The following NHSL1 variants were observed in gnomAD, a reference collection of about 807,000 sequenced individuals.
NHSL1 encodes the protein NHS-like protein 1.
Under a neutral mutation model 95.0 loss-of-function variants are expected in NHSL1, and 48 were observed. The ratio of observed to expected loss-of-function variants is 0.51; its 90% confidence interval spans 0.40 to 0.64. The LOEUF (loss-of-function observed/expected upper bound fraction) is 0.64. Ranked by LOEUF, NHSL1 falls within the 30% of genes least tolerant of loss-of-function variation. The pLI, the probability that NHSL1 is intolerant of heterozygous loss-of-function variation, is 0.00. For missense variants in NHSL1, 1,971 were observed against 2,077.7 expected, an observed-to-expected ratio of 0.95 and a Z score of 1.00; for synonymous variants, 783 against 833.9, an observed-to-expected ratio of 0.94 and a Z score of 1.05.
intron 1 of NHSL1, among the ~76,000 whole-genome samples, chr6:138,616,584 AT>A (rs1365160359): frequency 6.6e-6 from 1 of 152,102 alleles, no homozygotes; most frequent in African/African-American, 2.4e-5. Context: ...GAGAAAGCTG[AT>A]TTGGGTGTAC....
At chr6:138,523,707 G>C (rs921670370) in intron 1 of NHSL1, among the ~76,000 whole-genome samples, 4 of 150,148 alleles carry the variant, frequency 2.7e-5, no homozygotes, top group African/African-American at 4.9e-5. Context: ...GGGAATTCTT[G>C]GTTGGTTTTA....
intron 1 of NHSL1, among the ~76,000 whole-genome samples, chr6:138,597,823 T>C (rs1187785682): frequency 6.6e-6 from 1 of 152,304 alleles, no homozygotes; most frequent in South Asian, 2.1e-4. Context: ...AGATGTATTA[T>C]ATTGGCTATG....
intron 1 of NHSL1, among the ~76,000 whole-genome samples, chr6:138,531,857 C>T (rs1186425294): frequency 6.6e-6 from 1 of 152,096 alleles, no homozygotes; most frequent in African/African-American, 2.4e-5. Context: ...CAGAATTTTC[C>T]TTTATATCTT....
chr6:138,650,546 C>T (rs1785077560), intron 1 of NHSL1: 2 of 596,208 alleles, frequency 3.4e-6, no homozygotes, highest in Middle Eastern at 2.9e-4. Context: ...ACAAGAAAAC[C>T]ACATCACCCA....
intron 1 of NHSL1, among the ~76,000 whole-genome samples, chr6:138,620,176 A>G (rs1195168665): frequency 6.6e-6 from 1 of 152,210 alleles, no homozygotes; most frequent in Non-Finnish European, 1.5e-5. Flanking sequence ...CTTGAAAGAA[A>G]ATCTGCACAA....
chr6:138,472,239 T>C (rs558655253), intron 3 of NHSL1, among the ~76,000 whole-genome samples: 16 of 150,706 alleles, frequency 1.1e-4, no homozygotes, highest in Non-Finnish European at 2.1e-4. Flanking sequence ...CATTTGAAGA[T>C]CAAAAATTTA....
At chr6:138,525,031 A>G (rs923383294) in intron 1 of NHSL1, among the ~76,000 whole-genome samples, 2 of 152,196 alleles carry the variant, frequency 1.3e-5, no homozygotes, top group African/African-American at 4.8e-5. Flanking sequence ...GCTACGAACC[A>G]TGATGGAGAC....
rs1380866554 is a variant in NHSL1, at chr6:138,432,983, G to A, written c.1362C>T (p.Leu454=). ...CACCTTTCACAGCATGCCTGGAGAT[G>A]AGGTGGTCTCTGGATTTTATCCTTG... is the stretch of plus-strand genomic sequence containing the variant. ...SHARIKSRDH[L]ISRHAVKGDP... is the part of the protein sequence containing the mutation. The change falls in exon 6 of 8, where the codon CTC becomes CTT. Residue 454 remains leucine (L), a synonymous_variant. Transcript: ENST00000343505. The surrounding 1 kb of genome is among the most constrained non-coding windows in gnomAD (Gnocchi z 4.4). 1.3e-6 allele frequency: 2 copies of A among 1,551,428 alleles called. No homozygotes were observed. Among genetic ancestry groups the A allele is most frequent in the Non-Finnish European group, 8.7e-7 (1 of 1,146,790 alleles).
intron 1 of NHSL1, among the ~76,000 whole-genome samples, chr6:138,652,098 T>C (rs1785100161): frequency 6.6e-6 from 1 of 152,220 alleles, no homozygotes; most frequent in Admixed American, 6.5e-5. Flanking sequence ...TTTATTATTT[T>C]GTGTTTACCT....
intron 3 of NHSL1, among the ~76,000 whole-genome samples, chr6:138,455,535 CA>C (rs1777549815): frequency 9.0e-6 from 1 of 110,992 alleles, no homozygotes; most frequent in Non-Finnish European, 2.2e-5. Context: ...GCCCCGCCTT[CA>C]CATGCTCCCT....
At chr6:138,653,101 G>A (rs1277652569) in intron 1 of NHSL1, among the ~76,000 whole-genome samples, 1 of 152,160 alleles carries the variant, frequency 6.6e-6, no homozygotes, top group East Asian at 1.9e-4. Flanking sequence ...AACTGCACTG[G>A]AGCAAGGAAA....
rs1369103255 is a variant in NHSL1, at chr6:138,431,646, G to A, written c.2699C>T (p.Ser900Leu). 3.2e-6 allele frequency: 5 copies of A among 1,551,640 alleles called. No homozygotes were observed. The highest frequency in any genetic ancestry group is 2.0e-5 in the Admixed American group (1 of 51,012). The change falls in exon 6 of 8, where the codon TCA (serine) becomes TTA (leucine). Residue 900 changes from serine (S) to leucine (L), a missense_variant. By Grantham distance (145) the Ser-to-Leu change is moderately radical (BLOSUM62 -2). Around this residue, in one of 3 missense-constraint regions of NHSL1, gnomAD observed 1,602 missense variants for 1,654.5 expected, o/e 0.97. Coordinates refer to ENST00000343505, the MANE Select transcript of NHSL1 (RefSeq NM_001144060.2). The surrounding 1 kb of genome is among the most constrained non-coding windows in gnomAD (Gnocchi z 4.0). Reference protein sequence around the residue: ...SSLISSVSISSSSTSLSSSTS... With the variant: ...SSLISSVSISLSSTSLSSSTS... ...ACTAGAAGAAAGAGAAGTGGACGATGAGGAAATGGATACTGAAGATATCAG... is the reference window on the plus strand; with the variant it reads ...ACTAGAAGAAAGAGAAGTGGACGATAAGGAAATGGATACTGAAGATATCAG...
intron 1 of NHSL1, among the ~76,000 whole-genome samples, chr6:138,559,612 T>C (rs912137668): frequency 3.9e-5 from 6 of 152,194 alleles, no homozygotes; most frequent in Admixed American, 1.3e-4. Context: ...AAGACAACAG[T>C]GGACTATCTA....
At position 138,469,896 on chromosome 6, in the gene NHSL1, G is replaced by C. The variant is rs115409943; in HGVS notation, c.339+3410C>G. ...CAAGTGGCTTTTTTGATGCTCCACAGAATCAAGAAATGGTTAATACAACAC... is the reference window on the plus strand; with the variant it reads ...CAAGTGGCTTTTTTGATGCTCCACACAATCAAGAAATGGTTAATACAACAC... On this transcript the variant is annotated intron_variant, in intron 3 of 7. Coordinates refer to ENST00000343505, the MANE Select transcript of NHSL1 (RefSeq NM_001144060.2). Among the ~76,000 whole-genome samples, 1,115 of 152,190 alleles carry C rather than the reference G, an allele frequency of 7.3e-3. 13 individuals are homozygous for C. The highest frequency in any genetic ancestry group is 0.026 in the African/African-American group (1,064 of 41,484).
chr6:138,631,210 A>C (rs1223449165), intron 1 of NHSL1, among the ~76,000 whole-genome samples: 1 of 152,198 alleles, frequency 6.6e-6, no homozygotes, highest in Admixed American at 6.5e-5. Context: ...CAGCGGTCAG[A>C]TCTTGAGTTA....
In NHSL1 at chr6:138,432,250, T is replaced by G. The variant is rs1399008907; in HGVS notation, c.2095A>C (p.Ser699Arg). ...GAGTGCTGGAGTGTGGCGATCAGGC[T>G]CTCGTTGAGCACCTGCCCGTTGCAC... ...SQCNGQVLNE[S>R]LIATLQHSLQ... The change falls in exon 6 of 8, where the codon AGC (serine) becomes CGC (arginine). Residue 699 changes from serine to arginine, a missense_variant. Coordinates refer to ENST00000343505, the MANE Select transcript of NHSL1 (RefSeq NM_001144060.2). This position sits in a 1 kb window ranked among gnomAD's most constrained non-coding sequence, Gnocchi z 4.4. 4.5e-6 allele frequency: 7 copies of G among 1,549,924 alleles called. No homozygotes were observed. The African/African-American group carries it at 9.6e-5, about 21-fold the overall frequency.
chr6:138,577,348 A>G (rs1383587467), upstream of NHSL1, among the ~76,000 whole-genome samples: 2 of 152,248 alleles, frequency 1.3e-5, no homozygotes, highest in Non-Finnish European at 2.9e-5. Context: ...CAGGCCACAA[A>G]TGAGCACTGT....
At chr6:138,446,233 C>G (rs1191970045) in intron 4 of NHSL1, among the ~76,000 whole-genome samples, 1 of 151,966 alleles carries the variant, frequency 6.6e-6, no homozygotes, top group African/African-American at 2.4e-5. Context: ...GACAGGGTTT[C>G]ACCACGTTGG....
At chr6:138,623,853 C>T (rs1278933438) in intron 1 of NHSL1, among the ~76,000 whole-genome samples, 1 of 152,136 alleles carries the variant, frequency 6.6e-6, no homozygotes, top group African/African-American at 2.4e-5. Flanking sequence ...TTTCCACATG[C>T]CGCTCTCGTG....
Sources: gnomAD v4.1 joint callset for allele counts (sites outside exome capture counted in the v4.1 genomes callset) on GRCh38, gnomAD v4.1.1 for gene constraint, gnomAD v4.1.1 regional missense constraint, Gnocchi (gnomAD v3.1) non-coding constraint, MANE v1.5 for transcripts, NCBI Gene and HGNC (gene_info 2026-07-23, HGNC 2026-07-21) for gene names.